The following E2F8 variants were observed in gnomAD, a reference collection of about 807,000 sequenced individuals.
E2F8 encodes the protein E2F transcription factor 8, also known as transcription factor E2F8.
In E2F8, 35 loss-of-function variants were observed where a neutral mutation model predicts 80.8. The observed-to-expected ratio is 0.43, with a 90% CI of 0.33 to 0.57. The LOEUF (loss-of-function observed/expected upper bound fraction) is 0.57. Ranked by LOEUF, E2F8 falls within the 20% of genes least tolerant of loss-of-function variation. E2F8 has a pLI of 0.04. For missense variants in E2F8, 975 were observed against 1,056.2 expected (o/e 0.92, Z 1.07); for synonymous variants, 386 against 395.0 (o/e 0.98, Z 0.27).
At chr11:19,237,688 C>A (rs1403995794) in intron 3 of E2F8, among the ~76,000 whole-genome samples, 166 bp downstream of exon 3, 1 of 152,140 alleles carries the variant, frequency 6.6e-6, no homozygotes, top group African/African-American at 2.4e-5. Context: ...TCAGAATTCC[C>A]AGAGCTATAT....
At chr11:19,234,654 G>C (rs1851465071) in intron 5 of E2F8, 90 bp downstream of exon 5, 1 of 1,527,860 alleles carries the variant, frequency 6.5e-7, no homozygotes, top group African/African-American at 1.4e-5. Flanking sequence ...AAAGGCAGCA[G>C]TAGCTTTAGA....
chr11:19,231,283 G>C (rs1224138740), intron 7 of E2F8, among the ~76,000 whole-genome samples: 1 of 152,148 alleles, frequency 6.6e-6, no homozygotes, highest in African/African-American at 2.4e-5. Context: ...TCTCAACTGG[G>C]AGCATGTGGG....
chr11:19,238,434 T>A (rs1261751945), intron 2 of E2F8, among the ~76,000 whole-genome samples: 1 of 152,196 alleles, frequency 6.6e-6, no homozygotes, highest in Non-Finnish European at 1.5e-5. Context: ...TTGAAATAGT[T>A]TTAGATTTAG....
At chr11:19,227,066 C>T (rs533994489) in intron 10 of E2F8, among the ~76,000 whole-genome samples, 50 of 152,294 alleles carry the variant, frequency 3.3e-4, no homozygotes, top group Non-Finnish European at 5.3e-4. Context: ...TTTAGCCTTA[C>T]CATGAGCGGG....
In E2F8 at chr11:19,229,615, T is replaced by G; in HGVS notation, c.1732A>C (p.Arg578=). ...GGTGCTGGCAGCAAGCTTCCAGGCC[T>G]GGTAGAGGCACTGGCCTTTGAGGTA... ...NDTSKASAST[R]PGSLLPAPER... Residue 578 remains arginine, a synonymous_variant, in exon 10 of 13, where the codon AGG becomes CGG. Coordinates refer to ENST00000250024, the MANE Select transcript of E2F8 (RefSeq NM_024680.4). This position sits in a 1 kb window ranked among gnomAD's most constrained non-coding sequence, Gnocchi z 4.3. 1 of 1,614,190 alleles carries G rather than the reference T, an allele frequency of 6.2e-7. No homozygotes were observed. Among genetic ancestry groups the G allele is most frequent in the Non-Finnish European group, 8.5e-7 (1 of 1,180,016 alleles).
At position 19,238,136 on chromosome 11, in the gene E2F8, G is replaced by A. The variant is rs760532331; in HGVS notation, c.16-4C>T. On this transcript the variant is annotated splice_polypyrimidine_tract_variant and splice_region_variant and intron_variant, in intron 2 of 12. Coordinates refer to ENST00000250024, the MANE Select transcript of E2F8 (RefSeq NM_024680.4). ...GTGGCTCACAAAAGAGATTTTCCTG[G>A]TTTAAAAAATGTAAATAATTAAATC... 2 of 1,594,448 alleles carry A rather than the reference G, an allele frequency of 1.3e-6. No homozygotes were observed. The highest frequency in any genetic ancestry group is 1.7e-6 in the Non-Finnish European group (2 of 1,172,420).
intron 8 of E2F8, 135 bp from the exon 9 acceptor site, chr11:19,230,463 C>G (rs949825734): frequency 1.7e-5 from 20 of 1,191,578 alleles, no homozygotes; most frequent in Non-Finnish European, 8.2e-6. Flanking sequence ...AAACAATAAA[C>G]CCCACAAATG....
chr11:19,228,865 T>A (rs534339696), intron 10 of E2F8, among the ~76,000 whole-genome samples: 1 of 152,332 alleles, frequency 6.6e-6, no homozygotes, highest in South Asian at 2.1e-4. Context: ...GGAACTAATC[T>A]CCACTTAGGA....
In E2F8 at chr11:19,225,456, G is replaced by A; in HGVS notation, c.2186C>T (p.Pro729Leu). ...GGTGAAGTTTACAATGGCTGAGCTTGGGTTCTGGATGGGAACAGGGTGGCT... is the reference window on the plus strand; with the variant it reads ...GGTGAAGTTTACAATGGCTGAGCTTAGGTTCTGGATGGGAACAGGGTGGCT... The part of the protein sequence containing the change: ...ASSHPVPIQN[P>L]SSAIVNFTLQ... The change falls in exon 12 of 13, where the codon CCA (proline) becomes CTA (leucine). Residue 729 changes from proline (P) to leucine (L), a missense_variant. Pro to Leu is a moderately conservative substitution (Grantham distance 98, BLOSUM62 -3). Transcript: ENST00000250024. The A allele has an allele frequency of 6.2e-7, 1 of 1,614,232 alleles. No homozygotes were observed. The highest frequency in any genetic ancestry group is 8.5e-7 in the Non-Finnish European group (1 of 1,180,046).
At position 19,230,050 on chromosome 11, in the gene E2F8, G is replaced by A. The variant is rs192052729; in HGVS notation, c.1359-62C>T. ...TACATTTTTTCTGAACTGTTCTACC[G>A]CTTTAAGCCTCATATTGAAGCCACG... is the stretch of plus-strand genomic sequence containing the variant. On this transcript the variant is annotated intron_variant, in intron 9 of 12. Transcript: ENST00000250024. The A allele has an allele frequency of 3.3e-5, 52 of 1,593,492 alleles. 1 individual carries two copies. Among genetic ancestry groups the A allele is most frequent in the African/African-American group, 3.1e-4 (23 of 74,622 alleles).
At chr11:19,226,547 T>C (rs1233485212) in intron 10 of E2F8, among the ~76,000 whole-genome samples, 1 of 152,248 alleles carries the variant, frequency 6.6e-6, no homozygotes, top group Admixed American at 6.5e-5. Context: ...GGCTAAACTA[T>C]TGGCCATGTG....
intron 2 of E2F8, among the ~76,000 whole-genome samples, chr11:19,239,646 T>TTC (rs1284968982): frequency 1.3e-5 from 2 of 151,864 alleles, no homozygotes; most frequent in Admixed American, 6.6e-5. Context: ...TTCCAAGTTG[T>TTC]TCAAGAATCC....
Position 19,225,490 on chromosome 11 carries a change from G to C in E2F8, c.2152C>G (p.Leu718Val). 6.2e-7 allele frequency: 1 copy of C among 1,614,202 alleles called. No individual in the cohort carries two copies. The highest frequency in any genetic ancestry group is 8.5e-7 in the Non-Finnish European group (1 of 1,180,034). The change falls in exon 12 of 13, where the codon CTC becomes GTC. Residue 718 changes from leucine (L) to valine (V), a missense_variant. Leu to Val is a conservative substitution (Grantham distance 32). Transcript: ENST00000250024. ...AAVPVGNSPA[L>V]ASSHPVPIQN... ...ATGGGAACAGGGTGGCTTGAAGCGA[G>C]AGCCGGGCTGTTCCCGACAGGTACG...
rs1851174753 is a variant in E2F8 at position 19,224,470 on chromosome 11, T to TGC, written c.*187_*188insGC. On this transcript the variant is annotated 3_prime_UTR_variant, in exon 13 of 13. Coordinates refer to ENST00000250024, the MANE Select transcript of E2F8 (RefSeq NM_024680.4). ...CTAAACTTAGCTTTATACAAATATA[T>TGC]GTGTGTGTGTGTGTGTGTGTGTGTG... The TGC allele has an allele frequency of 7.3e-6, 1 of 136,988 alleles. No individual in the cohort carries two copies. Among genetic ancestry groups the TGC allele is most frequent in the African/African-American group, 1.4e-4 (1 of 6,902 alleles). 8.5% of individuals were successfully genotyped at this position (136,988 alleles called of 1,614,324 possible). A position where few individuals can be genotyped will look rare whatever the true frequency, so the allele number is the denominator to read the frequency against.
Position 19,240,176 on chromosome 11 carries a change from C to T in E2F8, c.-55G>A. 1 of 1,300,888 alleles carries T rather than the reference C, an allele frequency of 7.7e-7. No homozygotes were observed. Among genetic ancestry groups the T allele is most frequent in the Non-Finnish European group, 1.0e-6 (1 of 955,584 alleles). The allele number at this position is 1,300,888 out of a possible 1,614,324, so 80.6% of individuals were successfully genotyped here. ...AAAAATGAAAAATCTGGAGTTCCTCCCCAAATCCCGATGGTTCAAGTAGTC... is the reference window on the plus strand; with the variant it reads ...AAAAATGAAAAATCTGGAGTTCCTCTCCAAATCCCGATGGTTCAAGTAGTC... On this transcript the variant is annotated 5_prime_UTR_variant, in exon 2 of 13. Coordinates refer to ENST00000250024, the MANE Select transcript of E2F8 (RefSeq NM_024680.4).
chr11:19,226,072 A>T, intron 10 of E2F8: 1 of 559,124 alleles, frequency 1.8e-6, no homozygotes, highest in Non-Finnish European at 3.1e-6. Context: ...AATGCAGAAC[A>T]TGTTTCTTAA....
In E2F8 at chr11:19,225,917, T is replaced by C. The variant is rs968937291; in HGVS notation, c.1894-53A>G. 3.5e-5 allele frequency: 55 copies of C among 1,577,416 alleles called. No homozygotes were observed. In the African/African-American group the frequency reaches 6.5e-4, roughly 19 times the overall value. ...TTACACACAAATACAGGAAGAAAAA[T>C]GGCCACGTGCCTCTTTCAGGACTAA... On this transcript the variant is annotated intron_variant, in intron 10 of 12. Transcript: ENST00000250024.
rs374865615 is a variant in E2F8 at position 19,234,733 on chromosome 11, C to T, written c.766+11G>A. ...GCCATGCCGCCTGGAGTTTTCACTA[C>T]CATCTCTCACCTGCCCGAAATTCCA... On this transcript the variant is annotated intron_variant, in intron 5 of 12. Coordinates refer to ENST00000250024, the MANE Select transcript of E2F8 (RefSeq NM_024680.4). 2.8e-5 allele frequency: 45 copies of T among 1,599,468 alleles called. No homozygotes were observed. The highest frequency in any genetic ancestry group is 3.8e-5 in the Non-Finnish European group (44 of 1,172,384).
intron 10 of E2F8, among the ~76,000 whole-genome samples, chr11:19,228,553 A>C (rs899289253): frequency 6.6e-6 from 1 of 152,252 alleles, no homozygotes; most frequent in Non-Finnish European, 1.5e-5. Context: ...GCTGGGTTAG[A>C]TTTGATCCAG....
Sources: gnomAD v4.1 joint callset for allele counts (sites outside exome capture counted in the v4.1 genomes callset) on GRCh38, gnomAD v4.1.1 for gene constraint, Gnocchi (gnomAD v3.1) non-coding constraint, MANE v1.5 for transcripts, NCBI Gene and HGNC (gene_info 2026-07-23, HGNC 2026-07-21) for gene names.